Variants in SH3RF2 observed in about 807,000 individuals in gnomAD.
SH3RF2 encodes E3 ubiquitin-protein ligase SH3RF2.
In SH3RF2, 43 loss-of-function variants were observed where a neutral mutation model predicts 59.0. That is an observed-to-expected ratio of 0.73 (90% CI 0.57 to 0.94). SH3RF2 has a LOEUF of 0.94. Among genes scored for constraint, SH3RF2 ranks in the 40% least tolerant of loss-of-function variants. SH3RF2 has a pLI of 0.00. For synonymous variants in SH3RF2, 391 were observed against 391.5 expected, an observed-to-expected ratio of 1.00 and a Z score of 0.01; for missense variants, 930 against 940.1, an observed-to-expected ratio of 0.99 and a Z score of 0.14.
chr5:146,073,082 C>A lies in SH3RF2; in HGVS notation c.*34-5378C>A, dbSNP rs7720285. Among the ~76,000 whole-genome samples the A allele has an allele frequency of 7.5e-3, 1,141 of 152,346 alleles. 17 individuals carry two copies. Among genetic ancestry groups the A allele is most frequent in the African/African-American group, 0.026 (1,076 of 41,584 alleles). ...TGTATTATTGTCCCCTTGTCCAGGG[C>A]AACCGTTAGCAAAGATGGGGCCAGC... On this transcript the variant is annotated intron_variant, in intron 9 of 9. Transcript: ENST00000511217.
Position 146,002,322 on chromosome 5 carries a change from G to A in SH3RF2, c.649-1736G>A, listed in dbSNP as rs554472109. 2.6e-5 allele frequency among the ~76,000 whole-genome samples: 4 copies of A among 152,126 alleles called. No individual in the cohort carries two copies. In the East Asian group the frequency reaches 5.8e-4, roughly 22 times the overall value. ...AAAAATTAGTCAGGCGTGGTTGCGC[G>A]TGCCTGTAATCCCAGCTACTCAGGA... On this transcript the variant is annotated intron_variant, in intron 3 of 9. Transcript: ENST00000359120.
At chr5:146,043,472 T>C (rs1762194321) in intron 5 of SH3RF2, among the ~76,000 whole-genome samples, 1 of 152,212 alleles carries the variant, frequency 6.6e-6, no homozygotes, top group Non-Finnish European at 1.5e-5. Flanking sequence ...TTTTAACAGC[T>C]TTACTGAGGT....
chr5:145,947,548 C>T (rs909530530), intron 2 of SH3RF2, among the ~76,000 whole-genome samples: 2 of 152,198 alleles, frequency 1.3e-5, no homozygotes, highest in African/African-American at 4.8e-5. Flanking sequence ...AGGTAGGTTT[C>T]TCTTTTCACA....
At chr5:146,035,872 GTC>G (rs1761919385) in intron 5 of SH3RF2, among the ~76,000 whole-genome samples, 1 of 152,162 alleles carries the variant, frequency 6.6e-6, no homozygotes, top group African/African-American at 2.4e-5. Context: ...TTGAGGCACA[GTC>G]TCCACTGTCT....
In SH3RF2 at chr5:146,023,461, G is replaced by A. The variant is rs999007063; in HGVS notation, c.1059+9400G>A. ...TGGACTCAAGTAATCCACCCGCCTC[G>A]GCCTCCCAAAGTACTGGGATTACAG... On this transcript the variant is annotated intron_variant, in intron 5 of 9. Coordinates refer to ENST00000359120, the MANE Select transcript of SH3RF2 (RefSeq NM_152550.4). Among the ~76,000 whole-genome samples, 7 of 152,032 alleles carry A rather than the reference G, an allele frequency of 4.6e-5. No homozygotes were observed. The South Asian group carries it at 6.2e-4, about 14-fold the overall frequency.
chr5:146,054,526 G>T (rs1303411194), intron 7 of SH3RF2, among the ~76,000 whole-genome samples: 1 of 152,140 alleles, frequency 6.6e-6, no homozygotes, highest in Non-Finnish European at 1.5e-5. Context: ...CCCAGGCCTT[G>T]TCCCCAGAAT....
rs575113672 is a variant in SH3RF2 at position 145,983,857 on chromosome 5, T to A, written c.379-16201T>A. 4.6e-4 allele frequency among the ~76,000 whole-genome samples: 70 copies of A among 152,264 alleles called. 2 individuals carry two copies. In the South Asian group the frequency reaches 0.015, roughly 32 times the overall value. On this transcript the variant is annotated intron_variant, in intron 2 of 9. Coordinates refer to ENST00000359120, the MANE Select transcript of SH3RF2 (RefSeq NM_152550.4). ...TGGGATGTAGATATAGCTCAAGGCA[T>A]GTTTTAAATAATGGAGCCTTTTTAA...
intron 4 of SH3RF2, among the ~76,000 whole-genome samples, chr5:146,011,646 T>C (rs548761321): frequency 6.6e-6 from 1 of 152,326 alleles, no homozygotes; most frequent in African/African-American, 2.4e-5. Context: ...GAAGCAATTG[T>C]GAATGGGAGT....
intron 5 of SH3RF2, among the ~76,000 whole-genome samples, chr5:146,022,635 T>G (rs545741445): frequency 2.0e-5 from 3 of 151,958 alleles, no homozygotes; most frequent in Admixed American, 2.0e-4. Context: ...GCACTTTGGG[T>G]GGCTGAGGCA....
At chr5:145,993,558 G>T (rs1760033540) in intron 2 of SH3RF2, among the ~76,000 whole-genome samples, 1 of 152,200 alleles carries the variant, frequency 6.6e-6, no homozygotes, top group African/African-American at 2.4e-5. Context: ...TGACTTCTGT[G>T]TACTTGCAGG....
chr5:146,009,596 C>T (rs1760792134), intron 4 of SH3RF2, among the ~76,000 whole-genome samples: 1 of 152,142 alleles, frequency 6.6e-6, no homozygotes, highest in Non-Finnish European at 1.5e-5. Flanking sequence ...TGGCTGCCTC[C>T]CCCAGTCACT....
At chr5:146,050,400 C>T (rs248782) in intron 7 of SH3RF2, among the ~76,000 whole-genome samples, 20,410 of 152,138 alleles carry the variant, frequency 0.13, 1,852 homozygotes, top group East Asian at 0.28. Flanking sequence ...GGTGGACTCT[C>T]TTTTTAGAAA....
At chr5:146,026,926 T>C (rs569673879) in intron 5 of SH3RF2, among the ~76,000 whole-genome samples, 1 of 152,330 alleles carries the variant, frequency 6.6e-6, no homozygotes, top group Admixed American at 6.5e-5. Flanking sequence ...TTAGGAGTGG[T>C]AAATGGCTCA....
chr5:146,066,257 G>A (rs1047525994), downstream of SH3RF2, among the ~76,000 whole-genome samples: 3 of 152,188 alleles, frequency 2.0e-5, no homozygotes, highest in African/African-American at 4.8e-5. Context: ...CTGCAAATGC[G>A]AAAGAGCCTA....
intron 2 of SH3RF2, among the ~76,000 whole-genome samples, chr5:145,990,232 A>G (rs1410250828): frequency 6.6e-6 from 1 of 152,178 alleles, no homozygotes; most frequent in Non-Finnish European, 1.5e-5. Context: ...AGCTTCTTTC[A>G]GGAAAGTGCG....
At chr5:145,979,034 C>T (rs1273405196) in intron 2 of SH3RF2, among the ~76,000 whole-genome samples, 1 of 152,166 alleles carries the variant, frequency 6.6e-6, no homozygotes, top group Non-Finnish European at 1.5e-5. Context: ...GTGAAAAACT[C>T]AGGGCCTAGA....
rs375318038 is a variant in SH3RF2, at chr5:146,059,541, TGTGTGTAC to T, written c.1556-318_1556-311del. Reference sequence around the variant, plus strand: ...TGTGTCTGCTTCACGCGCGCGTGTGTGTGTGTACGTGTGTGTGTGCGTGTGTGTGTGTG... The same window carrying T: ...TGTGTCTGCTTCACGCGCGCGTGTGTGTGTGTGTGTGCGTGTGTGTGTGTG... On this transcript the variant is annotated intron_variant, in intron 8 of 9. Transcript: ENST00000359120. Among the ~76,000 whole-genome samples, 486 of 152,142 alleles carry T rather than the reference TGTGTGTAC, an allele frequency of 3.2e-3. 3 individuals are homozygous for T. Among genetic ancestry groups the T allele is most frequent in the African/African-American group, 0.011 (467 of 41,484 alleles).
At chr5:146,033,878 C>A (rs370405492) in intron 5 of SH3RF2, among the ~76,000 whole-genome samples, 1 of 152,164 alleles carries the variant, frequency 6.6e-6, no homozygotes, top group African/African-American at 2.4e-5. Context: ...ACTCCTCCCC[C>A]ACAAATATAT....
chr5:146,073,348 G>C (rs1192825538), intron 9 of SH3RF2, among the ~76,000 whole-genome samples: 2 of 152,224 alleles, frequency 1.3e-5, no homozygotes, highest in African/African-American at 2.4e-5. Flanking sequence ...TTGCCCCTCT[G>C]GGCACTTGCA....
Sources: allele counts gnomAD v4.1 joint callset (sites outside exome capture counted in the v4.1 genomes callset), GRCh38; gene constraint gnomAD v4.1.1; transcripts MANE v1.5; gene names NCBI Gene and HGNC (gene_info 2026-07-23, HGNC 2026-07-21).